The following SIPA1L2 variants were observed in gnomAD, a reference collection of about 807,000 sequenced individuals.
SIPA1L2 encodes signal-induced proliferation-associated 1-like protein 2.
A neutral mutation model predicts 163.9 loss-of-function variants in SIPA1L2; 56 were observed. The observed-to-expected ratio is 0.34, with a 90% CI of 0.28 to 0.43. The LOEUF (loss-of-function observed/expected upper bound fraction) is 0.43, where lower values mean the gene tolerates loss of function less well. SIPA1L2 is among the 20% of genes least tolerant of loss of function. SIPA1L2 has a pLI of 1.00. For missense variants in SIPA1L2, 1,974 were observed against 2,193.5 expected (o/e 0.90, Z 2.00); for synonymous variants, 877 against 865.7 (o/e 1.01, Z -0.23).
At chr1:232,434,697 C>T (rs539153075) in intron 15 of SIPA1L2, among the ~76,000 whole-genome samples, 128 of 152,280 alleles carry the variant, frequency 8.4e-4, no homozygotes, top group African/African-American at 2.8e-3. Context: ...CGAGCTCTGA[C>T]GCCCTGTATG....
Position 232,514,467 on chromosome 1 carries a change from G to A in SIPA1L2, c.873C>T (p.Leu291=), listed in dbSNP as rs373117685. 79 of 1,614,100 alleles carry A rather than the reference G, an allele frequency of 4.9e-5. No individual in the cohort carries two copies. Among genetic ancestry groups the A allele is most frequent in the Non-Finnish European group, 6.0e-5 (71 of 1,180,044 alleles). Residue 291 remains leucine (L), a synonymous_variant, in exon 3 of 23, where the codon CTC becomes CTT. Coordinates refer to ENST00000674635, the MANE Select transcript of SIPA1L2 (RefSeq NM_020808.5). ...RLKSESVETS[L]FRKLRTVKSE... is the part of the protein sequence containing the mutation. The stretch of plus-strand genomic sequence containing the variant: ...TTTTAACAGTTCGAAGCTTTCGGAA[G>A]AGAGATGTTTCCACCGACTCTGATT...
chr1:232,464,014 C>A (rs1664381312), intron 9 of SIPA1L2, among the ~76,000 whole-genome samples: 1 of 152,010 alleles, frequency 6.6e-6, no homozygotes. Context: ...CTCCTTTTCT[C>A]ATGATCCATA....
intron 10 of SIPA1L2, among the ~76,000 whole-genome samples, chr1:232,457,184 G>GC (rs5781697): frequency 0.12 from 18,006 of 152,142 alleles, 2,260 homozygotes; most frequent in East Asian, 0.58. Flanking sequence ...ACTAAAGACT[G>GC]CATTTATTCC....
intron 5 of SIPA1L2, among the ~76,000 whole-genome samples, chr1:232,485,557 C>T (rs1456482956): frequency 6.6e-6 from 1 of 152,106 alleles, no homozygotes; most frequent in Non-Finnish European, 1.5e-5. Flanking sequence ...AATAAAAATG[C>T]CTAACCTCAT....
intron 18 of SIPA1L2, among the ~76,000 whole-genome samples, chr1:232,418,822 C>T (rs1174166010): frequency 1.3e-5 from 2 of 152,078 alleles, no homozygotes; most frequent in Non-Finnish European, 2.9e-5. Flanking sequence ...GCAGAACTGG[C>T]AAAGAAGGTT....
intron 14 of SIPA1L2, 117 bp downstream of exon 14, chr1:232,441,174 A>C: frequency 1.4e-6 from 1 of 726,840 alleles, no homozygotes; most frequent in Non-Finnish European, 2.2e-6. Context: ...CTCACCTCTA[A>C]GAGCCCTGTG....
intron 6 of SIPA1L2, 101 bp downstream of exon 6, chr1:232,483,691 G>T: frequency 7.6e-7 from 1 of 1,317,434 alleles, no homozygotes. Context: ...GCTGCTTCTG[G>T]GGCCGGGAAC....
intron 19 of SIPA1L2, among the ~76,000 whole-genome samples, chr1:232,412,427 G>A (rs1661011277): frequency 6.6e-6 from 1 of 152,148 alleles, no homozygotes; most frequent in Non-Finnish European, 1.5e-5. Flanking sequence ...TTGTTAGTTT[G>A]CAGCAATAAC....
At chr1:232,492,446 A>C (rs1665980281) in intron 4 of SIPA1L2, among the ~76,000 whole-genome samples, 1 of 152,166 alleles carries the variant, frequency 6.6e-6, no homozygotes. Flanking sequence ...CCTGAGCTCA[A>C]GCCATGCTCT....
intron 2 of SIPA1L2, among the ~76,000 whole-genome samples, chr1:232,547,739 C>G (rs1473273638): frequency 6.6e-6 from 1 of 152,142 alleles, no homozygotes; most frequent in Non-Finnish European, 1.5e-5. Context: ...GAAAAAATTC[C>G]TATTGATAAG....
rs1182856279 is a variant in SIPA1L2, at chr1:232,495,147, C to G, written c.1484-1487G>C. Among the ~76,000 whole-genome samples, 6 of 152,218 alleles carry G rather than the reference C, an allele frequency of 3.9e-5. No individual in the cohort carries two copies. In the East Asian group the frequency reaches 1.2e-3, roughly 29 times the overall value. On this transcript the variant is annotated intron_variant, in intron 3 of 22. Coordinates refer to ENST00000674635, the MANE Select transcript of SIPA1L2 (RefSeq NM_020808.5). ...CACTATCCAAAGCCACTAATGAATA[C>G]TGGCTAGACCTTCAAAAGGCAAATC...
Position 232,515,146 on chromosome 1 carries a change from G to A in SIPA1L2, c.194C>T (p.Ala65Val), listed in dbSNP as rs755817773. ...CTTGGGCACAGCTGGGGTACCATTA[G>A]CCGGACCACCACCGCCAGTCTCATT... is the stretch of plus-strand genomic sequence containing the variant. The part of the protein sequence containing the change: ...NSNETGGGGP[A>V]NGTPAVPKMG... Residue 65 changes from alanine to valine, a missense_variant, in exon 3 of 23, where the codon GCT (alanine) becomes GTT (valine). Physicochemically the swap from Ala to Val is moderately conservative, Grantham distance 64. Around this residue, in one of 3 missense-constraint regions of SIPA1L2, gnomAD observed 607 missense variants for 624.0 expected, o/e 0.97. Transcript: ENST00000674635. 4.3e-6 allele frequency: 7 copies of A among 1,613,990 alleles called. No individual in the cohort carries two copies. The highest frequency in any genetic ancestry group is 2.2e-5 in the East Asian group (1 of 44,880).
chr1:232,407,083 A>G (rs1378425489), intron 19 of SIPA1L2, among the ~76,000 whole-genome samples: 1 of 152,240 alleles, frequency 6.6e-6, no homozygotes, highest in Non-Finnish European at 1.5e-5. Context: ...ATGCATGTAA[A>G]AAGATAATGG....
intron 1 of SIPA1L2, among the ~76,000 whole-genome samples, chr1:232,592,023 C>T (rs1318723314): frequency 6.6e-6 from 1 of 151,990 alleles, no homozygotes; most frequent in Non-Finnish European, 1.5e-5. Context: ...CCCTTTTTTT[C>T]CCACTAATCA....
At chr1:232,606,878 A>G (rs1166453403) in intron 1 of SIPA1L2, among the ~76,000 whole-genome samples, 1 of 151,962 alleles carries the variant, frequency 6.6e-6, no homozygotes, top group Non-Finnish European at 1.5e-5. Context: ...TACCAAAAAC[A>G]TATCTATTAC....
intron 1 of SIPA1L2, among the ~76,000 whole-genome samples, chr1:232,580,470 C>T (rs184686477): frequency 6.6e-6 from 1 of 152,298 alleles, no homozygotes. Flanking sequence ...CCTCATTTTA[C>T]TCAGCCCCTG....
rs1255851566 is a variant in SIPA1L2 at position 232,432,456 on chromosome 1, T to A, written c.4047A>T (p.Ser1349=). ...TTGAACAGTGAGCTGAAGGGCTTCC[T>A]GAATGGTGAGAACCACTGAGGAGAA... ...ISSHSSGSHH[S]GSPSAHCSKS... The change falls in exon 16 of 23, where the codon TCA becomes TCT. Residue 1349 remains serine (S), a synonymous_variant. Coordinates refer to ENST00000674635, the MANE Select transcript of SIPA1L2 (RefSeq NM_020808.5). 3.1e-6 allele frequency: 5 copies of A among 1,614,098 alleles called. No homozygotes were observed. Among genetic ancestry groups the A allele is most frequent in the Admixed American group, 3.3e-5 (2 of 60,000 alleles).
At chr1:232,479,394 C>G (rs1034059146) in intron 7 of SIPA1L2, among the ~76,000 whole-genome samples, 1 of 152,158 alleles carries the variant, frequency 6.6e-6, no homozygotes, top group African/African-American at 2.4e-5. Context: ...TTTTGCTTAG[C>G]AAGCAATAGA....
chr1:232,541,598 A>T (rs1657681855), intron 2 of SIPA1L2, among the ~76,000 whole-genome samples: 1 of 152,200 alleles, frequency 6.6e-6, no homozygotes, highest in African/African-American at 2.4e-5. Context: ...TTAAGACAGT[A>T]AGTCGATATT....
Sources: allele counts gnomAD v4.1 joint callset (sites outside exome capture counted in the v4.1 genomes callset), GRCh38; gene constraint gnomAD v4.1.1; regional missense constraint gnomAD v4.1.1; transcripts MANE v1.5; gene names NCBI Gene and HGNC (gene_info 2026-07-23, HGNC 2026-07-21).